The following EXT2 variants were observed in gnomAD, a reference collection of about 807,000 sequenced individuals.
The protein encoded by EXT2 is exostosin-2.
A neutral mutation model predicts 81.6 loss-of-function variants in EXT2; 53 were observed. The observed-to-expected ratio is 0.65, with a 90% CI of 0.52 to 0.82. The LOEUF (loss-of-function observed/expected upper bound fraction) is 0.82, where lower values mean the gene tolerates loss of function less well. EXT2 is among the 40% of genes least tolerant of loss of function. The pLI is 0.00. For missense variants in EXT2, 774 were observed against 910.2 expected (o/e 0.85, Z 1.93); for synonymous variants, 320 against 340.0 (o/e 0.94, Z 0.65).
chr11:44,222,809 C>T (rs1955796165), intron 10 of EXT2, among the ~76,000 whole-genome samples: 1 of 150,286 alleles, frequency 6.7e-6, no homozygotes, highest in Non-Finnish European at 1.5e-5. Context: ...AAAACTTTTG[C>T]TCTGTCAAAG....
At chr11:44,184,415 G>C (rs1427289676) in intron 8 of EXT2, among the ~76,000 whole-genome samples, 1 of 151,694 alleles carries the variant, frequency 6.6e-6, no homozygotes. Flanking sequence ...TTTTTTGTTT[G>C]GTTTGAAGGT....
chr11:44,128,254 T>G (rs1401324969), intron 6 of EXT2, among the ~76,000 whole-genome samples: 1 of 152,176 alleles, frequency 6.6e-6, no homozygotes, highest in African/African-American at 2.4e-5. Flanking sequence ...CCGATGATAA[T>G]GTTTTGTGGT....
At chr11:44,222,837 A>G (rs1024907616) in intron 10 of EXT2, among the ~76,000 whole-genome samples, 14 of 152,274 alleles carry the variant, frequency 9.2e-5, no homozygotes, top group African/African-American at 3.4e-4. Flanking sequence ...GAAGAGGACA[A>G]AAAGACAAGC....
At chr11:44,208,548 A>G (rs1955610820) in intron 10 of EXT2, among the ~76,000 whole-genome samples, 1 of 152,218 alleles carries the variant, frequency 6.6e-6, no homozygotes, top group South Asian at 2.1e-4. Context: ...TTACCTCTAA[A>G]GAAGTAATCA....
chr11:44,232,672 T>C (rs1955913503), intron 11 of EXT2, among the ~76,000 whole-genome samples, 176 bp downstream of exon 11: 3 of 152,230 alleles, frequency 2.0e-5, no homozygotes, highest in Non-Finnish European at 4.4e-5. Context: ...ACGCTCATAG[T>C]AGAAAATATG....
In EXT2 at chr11:44,246,491, G is replaced by A. The variant is rs1294202422; in HGVS notation, c.*2204G>A. On this transcript the variant is annotated 3_prime_UTR_variant, in exon 14 of 14. Transcript: ENST00000533608. Reference sequence around the variant, plus strand: ...GCTGTGTGACTTTATCATCGTCATAGGAGTCATTGGACTTTAAAGGCATTA... The same window carrying A: ...GCTGTGTGACTTTATCATCGTCATAAGAGTCATTGGACTTTAAAGGCATTA... Among the ~76,000 whole-genome samples, 3 of 152,094 alleles carry A rather than the reference G, an allele frequency of 2.0e-5. No homozygotes were observed. Among genetic ancestry groups the A allele is most frequent in the Non-Finnish European group, 4.4e-5 (3 of 68,028 alleles).
intron 7 of EXT2, chr11:44,144,416 A>G (rs1954688484): frequency 5.6e-6 from 7 of 1,252,954 alleles, no homozygotes; most frequent in East Asian, 4.6e-5. Context: ...GACCAAACAC[A>G]GTTTTATTGG....
intron 9 of EXT2, among the ~76,000 whole-genome samples, chr11:44,200,082 T>C (rs1304490784): frequency 6.6e-6 from 1 of 151,782 alleles, no homozygotes; most frequent in Non-Finnish European, 1.5e-5. Context: ...AATGAGGCTG[T>C]CAGCTCTGGT....
At chr11:44,103,883 C>A (rs1287230897) in intron 1 of EXT2, 2 of 172,784 alleles carry the variant, frequency 1.2e-5, no homozygotes, top group African/African-American at 4.8e-5. Flanking sequence ...TTTATTTGCA[C>A]CTTTTTCCTT....
chr11:44,126,115 T>G (rs1476814008), intron 5 of EXT2, among the ~76,000 whole-genome samples: 1 of 152,266 alleles, frequency 6.6e-6, no homozygotes, highest in Non-Finnish European at 1.5e-5. Context: ...TTAAGGTTTC[T>G]GTATTTTGGT....
chr11:44,194,183 A>G (rs566697118), intron 8 of EXT2, among the ~76,000 whole-genome samples: 23 of 152,364 alleles, frequency 1.5e-4, no homozygotes, highest in African/African-American at 5.0e-4. Context: ...CCCAAAGAAC[A>G]GACCTCATTC....
intron 10 of EXT2, among the ~76,000 whole-genome samples, chr11:44,225,022 TTAGAAA>T: frequency 6.6e-6 from 1 of 152,296 alleles, no homozygotes; most frequent in East Asian, 1.9e-4. Context: ...GAGATTAGAC[TTAGAAA>T]TAGTATGACC....
In EXT2 at chr11:44,249,574, C is replaced by T. The variant is rs915103145; in HGVS notation, c.*5287C>T. On this transcript the variant is annotated 3_prime_UTR_variant, in exon 14 of 14. Coordinates refer to ENST00000533608, the MANE Select transcript of EXT2 (RefSeq NM_207122.2). ...GTCAGGCCTTGCCACCATATAGAAC[C>T]TTCCCTTTAGAATATATTTATTTGG... Among the ~76,000 whole-genome samples the T allele has an allele frequency of 2.0e-5, 3 of 152,196 alleles. No individual in the cohort carries two copies. The highest frequency in any genetic ancestry group is 4.4e-5 in the Non-Finnish European group (3 of 68,040).
chr11:44,144,227 GT>G, intron 7 of EXT2: 1 of 1,592,102 alleles, frequency 6.3e-7, no homozygotes, highest in Non-Finnish European at 8.5e-7. Context: ...TTGATTAAAG[GT>G]TTCCAATTCA....
rs763122451 is a variant in EXT2 at position 44,206,897 on chromosome 11, G to A, written c.1600G>A (p.Val534Ile). Residue 534 changes from valine (V) to isoleucine (I), a missense_variant, in exon 10 of 14, where the codon GTT (valine) becomes ATT (isoleucine). By Grantham distance (29) the Val-to-Ile change is conservative. Transcript: ENST00000533608. Reference protein sequence around the residue: ...FPYDEIETEAVLAIDDDIIML... With the variant: ...FPYDEIETEAILAIDDDIIML... ...TTATGATGAAATCGAGACAGAAGCT[G>A]TTCTGGCCATTGATGATGATATCAT... The A allele has an allele frequency of 1.2e-6, 2 of 1,614,150 alleles. No individual in the cohort carries two copies. Among genetic ancestry groups the A allele is most frequent in the Non-Finnish European group, 1.7e-6 (2 of 1,180,020 alleles).
chr11:44,215,499 A>G (rs1176748823), intron 10 of EXT2, among the ~76,000 whole-genome samples: 1 of 152,204 alleles, frequency 6.6e-6, no homozygotes, highest in Non-Finnish European at 1.5e-5. Flanking sequence ...TTGAAACTAT[A>G]TGGCCCCATA....
At chr11:44,100,207 A>AGAAAG (rs1282765945) in intron 1 of EXT2, among the ~76,000 whole-genome samples, 9 of 152,118 alleles carry the variant, frequency 5.9e-5, no homozygotes, top group African/African-American at 2.2e-4. Flanking sequence ...TTCTGGATTC[A>AGAAAG]CCTTTTGCAA....
chr11:44,179,751 T>C (rs1565224179), intron 8 of EXT2, among the ~76,000 whole-genome samples: 1 of 152,218 alleles, frequency 6.6e-6, no homozygotes, highest in African/African-American at 2.4e-5. Context: ...TGTCTCCCAA[T>C]TGATTAATAT....
rs758267132 is a variant in EXT2, at chr11:44,126,822, A to G, written c.946A>G (p.Thr316Ala). 5 of 1,614,184 alleles carry G rather than the reference A, an allele frequency of 3.1e-6. No homozygotes were observed. Among genetic ancestry groups the G allele is most frequent in the Admixed American group, 3.3e-5 (2 of 60,022 alleles). ...CCTCTTTGTGTTCCTGCAGGAGGCTACTTTCTGTGTGGTTCTTCGTGGAGC... is the reference window on the plus strand; with the variant it reads ...CCTCTTTGTGTTCCTGCAGGAGGCTGCTTTCTGTGTGGTTCTTCGTGGAGC... ...FDYPQVLQEATFCVVLRGARL... is the reference protein window; with the variant it reads ...FDYPQVLQEAAFCVVLRGARL... Residue 316 changes from threonine (T) to alanine (A), a missense_variant, in exon 6 of 14, where the codon ACT becomes GCT. Thr to Ala is a moderately conservative substitution (Grantham distance 58). Transcript: ENST00000533608.
Sources: gnomAD v4.1 joint callset for allele counts (sites outside exome capture counted in the v4.1 genomes callset) on GRCh38, gnomAD v4.1.1 for gene constraint, MANE v1.5 for transcripts, NCBI Gene and HGNC (gene_info 2026-07-23, HGNC 2026-07-21) for gene names.